The following GLYATL1B variants were observed in gnomAD, a reference collection of about 807,000 sequenced individuals.
GLYATL1B encodes putative glycine N-acyltransferase-like protein 1B.
Under a neutral mutation model 5.5 loss-of-function variants are expected in GLYATL1B, and 6 were observed. The ratio of observed to expected loss-of-function variants is 1.09; its 90% confidence interval spans 0.60 to 2.15. The LOEUF (loss-of-function observed/expected upper bound fraction) is 2.15. Among genes scored for constraint, GLYATL1B ranks in the 30% most tolerant of loss-of-function variants. GLYATL1B has a pLI of 0.00. For synonymous variants in GLYATL1B, 67 were observed against 34.9 expected, an observed-to-expected ratio of 1.92 and a Z score of -3.24; for missense variants, 135 against 94.1, an observed-to-expected ratio of 1.43 and a Z score of -1.80.
intron 2 of GLYATL1B, among the ~76,000 whole-genome samples, chr11:59,089,020 C>A (rs916562760): frequency 2.0e-5 from 3 of 152,120 alleles, no homozygotes; most frequent in Non-Finnish European, 2.9e-5. Flanking sequence ...AAGTTAATAA[C>A]CTCTCACCTC....
chr11:59,089,760 G>A (rs1471456518), intron 2 of GLYATL1B, among the ~76,000 whole-genome samples: 1 of 152,086 alleles, frequency 6.6e-6, no homozygotes, highest in East Asian at 1.9e-4. Context: ...CAAATTTGTT[G>A]CCCAATTTAG....
intron 2 of GLYATL1B, among the ~76,000 whole-genome samples, chr11:59,092,380 T>A (rs377468418): frequency 2.0e-5 from 3 of 152,188 alleles, no homozygotes; most frequent in Non-Finnish European, 4.4e-5. Flanking sequence ...TGATATTCTT[T>A]TTATAATTCT....
At chr11:59,089,047 C>A (rs566725324) in intron 2 of GLYATL1B, among the ~76,000 whole-genome samples, 1 of 152,314 alleles carries the variant, frequency 6.6e-6, no homozygotes, top group East Asian at 1.9e-4. Context: ...CTCCTCTCCT[C>A]CATTCCTACC....
intron 2 of GLYATL1B, among the ~76,000 whole-genome samples, chr11:59,088,887 C>T (rs144959886): frequency 0.014 from 2,065 of 152,176 alleles, 40 homozygotes; most frequent in African/African-American, 0.047. Context: ...TTGAAGAAGA[C>T]CTTTTTAAGG....
rs529477 is a variant in GLYATL1B at position 59,086,327 on chromosome 11, C to T, written c.21C>T (p.Ser7=). The T allele has an allele frequency of 4.7e-4, 186 of 396,896 alleles. 1 individual carries two copies. The highest frequency in any genetic ancestry group is 1.3e-3 in the South Asian group (10 of 7,808). The allele number at this position is 396,896 out of a possible 1,614,324, so 24.6% of individuals were successfully genotyped here. Residue 7 remains serine, a synonymous_variant, in exon 1 of 5, where the codon TCC becomes TCT. Transcript: ENST00000527482. MILLNN[S]ERLLALFKSL... is the part of the protein sequence containing the mutation. ...ACAAAATGATTCTATTGAATAATTC[C>T]GAGCGGCTGCTGGCCCTATTCAAAT... is the stretch of plus-strand genomic sequence containing the variant.
At chr11:59,087,368 AG>A (rs1389005052) in intron 2 of GLYATL1B, among the ~76,000 whole-genome samples, 197 bp downstream of exon 2, 1 of 151,964 alleles carries the variant, frequency 6.6e-6, no homozygotes, top group African/African-American at 2.4e-5. Flanking sequence ...CATTAGGGAA[AG>A]GGGGTCAAGG....
chr11:59,088,748 C>T (rs895154879), intron 2 of GLYATL1B, among the ~76,000 whole-genome samples: 1 of 152,014 alleles, frequency 6.6e-6, no homozygotes, highest in African/African-American at 2.4e-5. Context: ...TATAAAAGTT[C>T]CATGCCACAC....
chr11:59,092,126 T>C (rs1219858238), intron 2 of GLYATL1B, among the ~76,000 whole-genome samples: 1 of 152,150 alleles, frequency 6.6e-6, no homozygotes, highest in Non-Finnish European at 1.5e-5. Context: ...TCTTTTTCCT[T>C]TTCTGTTTCC....
chr11:59,090,303 C>A (rs1420690094), intron 2 of GLYATL1B, among the ~76,000 whole-genome samples: 5 of 151,884 alleles, frequency 3.3e-5, no homozygotes, highest in Non-Finnish European at 7.4e-5. Flanking sequence ...TTTTTCAGTT[C>A]CCCAATTTCC....
intron 3 of GLYATL1B, 33 bp downstream of exon 3, chr11:59,093,688 T>G (rs1425588819): frequency 2.1e-6 from 1 of 472,846 alleles, no homozygotes; most frequent in East Asian, 3.5e-5. Flanking sequence ...CAAGCAGCTG[T>G]GCTTCTCAAA....
chr11:59,087,705 G>T (rs547070292), intron 2 of GLYATL1B, among the ~76,000 whole-genome samples: 26 of 152,078 alleles, frequency 1.7e-4, no homozygotes, highest in South Asian at 2.1e-4. Flanking sequence ...AAATTAGCAG[G>T]GCATGGTGAT....
rs563514261 is a variant in GLYATL1B, at chr11:59,087,376, A to C, written c.186+205A>C. Among the ~76,000 whole-genome samples, 249 of 152,110 alleles carry C rather than the reference A, an allele frequency of 1.6e-3. 5 individuals are homozygous for C. The South Asian group carries it at 0.047, about 29-fold the overall frequency. ...TAAGACTCATTAGGGAAAGGGGGTCAAGGGGGAAGGGGAGGAAAAGGACAA... is the reference window on the plus strand; with the variant it reads ...TAAGACTCATTAGGGAAAGGGGGTCCAGGGGGAAGGGGAGGAAAAGGACAA... On this transcript the variant is annotated intron_variant, in intron 2 of 4. Coordinates refer to ENST00000527482, the MANE Select transcript of GLYATL1B (RefSeq NM_001355566.1).
chr11:59,091,978 T>C (rs117259711), intron 2 of GLYATL1B, among the ~76,000 whole-genome samples: 2 of 152,350 alleles, frequency 1.3e-5, no homozygotes, highest in Non-Finnish European at 2.9e-5. Flanking sequence ...TTCATTTCAT[T>C]TCCGATATTT....
At chr11:59,091,038 AT>A (rs1207774194) in intron 2 of GLYATL1B, among the ~76,000 whole-genome samples, 2 of 151,922 alleles carry the variant, frequency 1.3e-5, no homozygotes, top group African/African-American at 2.4e-5. Context: ...TACTCATGTA[AT>A]TTTTTCCTCC....
At chr11:59,089,500 G>A (rs1859264003) in intron 2 of GLYATL1B, among the ~76,000 whole-genome samples, 1 of 152,154 alleles carries the variant, frequency 6.6e-6, no homozygotes, top group Non-Finnish European at 1.5e-5. Context: ...ATTCTCATCA[G>A]CAGTGAATGT....
Position 59,093,928 on chromosome 11 carries a change from T to C in GLYATL1B, c.314-6T>C. 1.5e-6 allele frequency: 1 copy of C among 663,236 alleles called. No individual in the cohort carries two copies. The highest frequency in any genetic ancestry group is 2.7e-6 in the Non-Finnish European group (1 of 368,672). 41.1% of individuals were successfully genotyped at this position (663,236 alleles called of 1,614,324 possible). On this transcript the variant is annotated splice_polypyrimidine_tract_variant and splice_region_variant and intron_variant, in intron 3 of 4. Coordinates refer to ENST00000527482, the MANE Select transcript of GLYATL1B (RefSeq NM_001355566.1). ...TGACAATATTGCTTTCTTGGCTTTCTCTCAGGTTTTCAAGAAAGTTTAGGT... is the reference window on the plus strand; with the variant it reads ...TGACAATATTGCTTTCTTGGCTTTCCCTCAGGTTTTCAAGAAAGTTTAGGT...
At position 59,094,717 on chromosome 11, in the gene GLYATL1B, A is replaced by G. The variant is rs1859397022; in HGVS notation, c.840A>G (p.Leu280=). The G allele has an allele frequency of 4.3e-6, 2 of 460,538 alleles. No homozygotes were observed. The highest frequency in any genetic ancestry group is 2.0e-5 in the African/African-American group (1 of 50,360). The allele number at this position is 460,538 out of a possible 1,614,324, so 28.5% of individuals were successfully genotyped here. ...NQGVIRKTSA[L]GFLEASCQWH... ...GCGTCATCAGAAAGACTAGTGCACT[A>G]GGTTTCCTTGAGGCCTCCTGTCAGT... The change falls in exon 5 of 5, where the codon CTA becomes CTG. Residue 280 remains leucine (L), a synonymous_variant. Transcript: ENST00000527482.
intron 2 of GLYATL1B, among the ~76,000 whole-genome samples, chr11:59,087,672 T>G (rs1263314686): frequency 6.6e-6 from 1 of 151,982 alleles, no homozygotes; most frequent in Non-Finnish European, 1.5e-5. Context: ...TAATGAGACC[T>G]CATCTCTACA....
intron 4 of GLYATL1B, 122 bp from the exon 5 acceptor site, chr11:59,094,247 C>T (rs1200581947): frequency 1.4e-5 from 7 of 490,076 alleles, no homozygotes; most frequent in East Asian, 6.6e-5. Context: ...GGTCAAAATA[C>T]GCCACTTTGC....
Sources: gnomAD v4.1 joint callset for allele counts (sites outside exome capture counted in the v4.1 genomes callset) on GRCh38, gnomAD v4.1.1 for gene constraint, MANE v1.5 for transcripts, NCBI Gene and HGNC (gene_info 2026-07-23, HGNC 2026-07-21) for gene names.